SLC26A7: variants seen among roughly 807,000 people sequenced by gnomAD.
The protein encoded by SLC26A7 is anion exchange transporter.
Under a neutral mutation model 82.5 loss-of-function variants are expected in SLC26A7, and 59 were observed. That is an observed-to-expected ratio of 0.72 (90% confidence interval 0.58 to 0.89). The LOEUF is 0.89. Among genes scored for constraint, SLC26A7 ranks in the 40% least tolerant of loss-of-function variants. SLC26A7 has a pLI of 0.00. For synonymous variants in SLC26A7, 271 were observed against 274.3 expected, an observed-to-expected ratio of 0.99 and a Z score of 0.12; for missense variants, 820 against 793.0, an observed-to-expected ratio of 1.03 and a Z score of -0.41.
At position 91,359,304 on chromosome 8, in the gene SLC26A7, G is replaced by C. The variant is rs1258664049; in HGVS notation, c.1315-3049G>C. ...GATTGGATAAGTAGATTAAAGAGGA[G>C]AGAAAGTAAAATATAATTCCATAGT... is the stretch of plus-strand genomic sequence containing the variant. On this transcript the variant is annotated intron_variant, in intron 11 of 18. Transcript: ENST00000276609. Among the ~76,000 whole-genome samples, 5 of 152,148 alleles carry C rather than the reference G, an allele frequency of 3.3e-5. No individual in the cohort carries two copies. The South Asian group carries it at 1.0e-3, about 32-fold the overall frequency.
intron 11 of SLC26A7, among the ~76,000 whole-genome samples, chr8:91,358,664 A>G (rs1387083849): frequency 6.6e-6 from 1 of 152,120 alleles, no homozygotes; most frequent in Non-Finnish European, 1.5e-5. Flanking sequence ...TACTCACAAT[A>G]GCAAAGACTT....
rs534827037 is a variant in SLC26A7 at position 91,240,621 on chromosome 8, C to T, written c.-33-8998C>T. ...TATACTTGGGCATTCAATTTGACTT[C>T]CTGAGACAAATAAGCTTGAGCACAG... On this transcript the variant is annotated intron_variant, in intron 2 of 5. Coordinates refer to the SLC26A7 transcript ENST00000522862. Among the ~76,000 whole-genome samples the T allele has an allele frequency of 2.6e-5, 4 of 152,142 alleles. No homozygotes were observed. In the East Asian group the frequency reaches 7.7e-4, roughly 29 times the overall value.
At chr8:91,225,453 A>G (rs1051417840) in intron 2 of SLC26A7, among the ~76,000 whole-genome samples, 5 of 151,820 alleles carry the variant, frequency 3.3e-5, no homozygotes, top group African/African-American at 1.2e-4. Flanking sequence ...GGGCTGCTGC[A>G]GCACACTGCT....
chr8:91,285,150 T>A (rs1258249614), intron 2 of SLC26A7, among the ~76,000 whole-genome samples: 4 of 152,256 alleles, frequency 2.6e-5, no homozygotes, highest in African/African-American at 9.6e-5. Context: ...GCTTTGACAT[T>A]CTTTTGCATC....
At chr8:91,271,754 C>T (rs1811277165) in intron 2 of SLC26A7, among the ~76,000 whole-genome samples, 1 of 152,050 alleles carries the variant, frequency 6.6e-6, no homozygotes. Flanking sequence ...GCCACCATGC[C>T]CGGCTAATTT....
intron 15 of SLC26A7, among the ~76,000 whole-genome samples, chr8:91,379,195 C>T (rs924568411): frequency 2.6e-4 from 40 of 151,890 alleles, no homozygotes; most frequent in Non-Finnish European, 7.4e-5. Context: ...TGGAGGGAAG[C>T]ACAATGCCCA....
intron 4 of SLC26A7, among the ~76,000 whole-genome samples, chr8:91,298,577 G>A (rs1280569668): frequency 3.3e-5 from 5 of 152,078 alleles, no homozygotes; most frequent in African/African-American, 1.2e-4. Flanking sequence ...ACTCTACATG[G>A]TAGATTCTCA....
chr8:91,358,185 T>C (rs993396032), intron 11 of SLC26A7, among the ~76,000 whole-genome samples: 1 of 152,288 alleles, frequency 6.6e-6, no homozygotes, highest in Admixed American at 6.5e-5. Context: ...GTTCAACCAT[T>C]GTGGAAGACC....
chr8:91,393,987 C>T lies in SLC26A7; in HGVS notation c.1883C>T (p.Pro628Leu), dbSNP rs1173425005. ...TATGGAAACCTAGACTCAGAGAAAC[C>T]AATTTTTTTTGAATCGGTATCTGCT... ...TYYGNLDSEK[P>L]IFFESVSAAI... The change falls in exon 18 of 19, where the codon CCA becomes CTA. Residue 628 changes from proline to leucine, a missense_variant. Pro to Leu is a moderately conservative substitution (Grantham distance 98, BLOSUM62 -3). Coordinates refer to ENST00000276609, the MANE Select transcript of SLC26A7 (RefSeq NM_052832.4). The T allele has an allele frequency of 1.9e-6, 3 of 1,613,476 alleles. No individual in the cohort carries two copies. The highest frequency in any genetic ancestry group is 2.7e-5 in the African/African-American group (2 of 74,878).
intron 4 of SLC26A7, among the ~76,000 whole-genome samples, chr8:91,308,244 G>T (rs1393149867): frequency 1.4e-5 from 2 of 143,768 alleles, no homozygotes; most frequent in Admixed American, 6.9e-5. Context: ...TTAGGAGGAA[G>T]AGGTGTGTGT....
intron 9 of SLC26A7, chr8:91,344,043 A>G (rs904688777): frequency 1.0e-5 from 10 of 982,758 alleles, no homozygotes; most frequent in Middle Eastern, 5.2e-4. Context: ...TGATGATGAC[A>G]ATCATAATGA....
chr8:91,333,003 A>C (rs1450686463), intron 5 of SLC26A7, among the ~76,000 whole-genome samples: 1 of 152,108 alleles, frequency 6.6e-6, no homozygotes, highest in Admixed American at 6.6e-5. Context: ...ATTCCAGGTG[A>C]GTTTCCTTAT....
At chr8:91,341,498 C>G (rs754328135) in intron 8 of SLC26A7, among the ~76,000 whole-genome samples, 31 of 152,192 alleles carry the variant, frequency 2.0e-4, no homozygotes, top group Admixed American at 1.9e-3. Context: ...GTGTGTAAAT[C>G]TCATTCTCAC....
intron 4 of SLC26A7, among the ~76,000 whole-genome samples, chr8:91,306,273 CA>C (rs1346740578): frequency 6.6e-6 from 1 of 152,162 alleles, no homozygotes; most frequent in African/African-American, 2.4e-5. Context: ...TCCAGTGGCA[CA>C]TGTTCTATTT....
At chr8:91,295,733 A>G in intron 4 of SLC26A7, 30 bp downstream of exon 4, 1 of 1,606,832 alleles carries the variant, frequency 6.2e-7, no homozygotes, top group South Asian at 1.1e-5. Flanking sequence ...GAGCACAAAG[A>G]AAGGGACACA....
At chr8:91,268,335 T>G (rs13276900) in intron 2 of SLC26A7, among the ~76,000 whole-genome samples, 80,620 of 151,586 alleles carry the variant, frequency 0.53, 24,215 homozygotes, top group South Asian at 0.68. Context: ...GTATATATAT[T>G]TGAAAAGGTT....
intron 4 of SLC26A7, among the ~76,000 whole-genome samples, chr8:91,315,588 G>C (rs370471515): frequency 2.0e-5 from 3 of 152,104 alleles, no homozygotes; most frequent in Admixed American, 2.0e-4. Flanking sequence ...CTGCTTTGGC[G>C]TCCTGAGTTT....
At chr8:91,245,248 A>G (rs565111495), upstream of SLC26A7, among the ~76,000 whole-genome samples, 1 of 152,302 alleles carries the variant, frequency 6.6e-6, no homozygotes, top group East Asian at 1.9e-4. Flanking sequence ...TTTTGCCTCA[A>G]TAATTGGGGA....
intron 5 of SLC26A7, 82 bp from the exon 6 acceptor site, chr8:91,334,213 T>C (rs1031094205): frequency 7.8e-7 from 1 of 1,286,228 alleles, no homozygotes; most frequent in African/African-American, 1.5e-5. Context: ...AAAACATCAT[T>C]GAGTTTATTG....
Sources: allele counts gnomAD v4.1 joint callset (sites outside exome capture counted in the v4.1 genomes callset), GRCh38; gene constraint gnomAD v4.1.1; transcripts MANE v1.5; gene names NCBI Gene and HGNC (gene_info 2026-07-23, HGNC 2026-07-21).